MTPN: variants seen among roughly 807,000 people sequenced by gnomAD.
The protein encoded by MTPN is myotrophin.
In MTPN, 2 loss-of-function variants were observed where a neutral mutation model predicts 13.5. The observed-to-expected ratio is 0.15, with a 90% CI of 0.06 to 0.47. The LOEUF (loss-of-function observed/expected upper bound fraction) is 0.47. MTPN is among the 20% of genes least tolerant of loss of function. The pLI, the probability that MTPN is intolerant of heterozygous loss-of-function variation, is 0.97. For synonymous variants in MTPN, 46 were observed against 51.7 expected (o/e 0.89, Z 0.48); for missense variants, 79 against 137.9 (o/e 0.57, Z 2.14).
Position 135,927,186 on chromosome 7 carries a change from A to G in MTPN, c.*2740T>C, listed in dbSNP as rs1379962418. On this transcript the variant is annotated 3_prime_UTR_variant, in exon 4 of 4. Transcript: ENST00000393085. ...ACAGATTTAAAATCCAGTACTTGGG[A>G]AAAGATATCAATGAATAAAAGGCCT... 4.1e-6 allele frequency: 4 copies of G among 978,448 alleles called. No individual in the cohort carries two copies. The highest frequency in any genetic ancestry group is 4.3e-6 in the Non-Finnish European group (3 of 694,198). The allele number at this position is 978,448 out of a possible 1,614,324, so 60.6% of individuals were successfully genotyped here.
At chr7:135,947,510 A>G (rs1799304303) in intron 3 of MTPN, among the ~76,000 whole-genome samples, 1 of 152,160 alleles carries the variant, frequency 6.6e-6, no homozygotes, top group African/African-American at 2.4e-5. Flanking sequence ...GCTCACACCT[A>G]AACTTTGAAA....
intron 3 of MTPN, among the ~76,000 whole-genome samples, chr7:135,941,494 T>C (rs975971794): frequency 4.2e-5 from 6 of 143,342 alleles, no homozygotes; most frequent in African/African-American, 1.5e-4. Context: ...ATTCAATTCT[T>C]AAAATGTCAA....
chr7:135,933,668 T>C (rs888981925), intron 3 of MTPN, among the ~76,000 whole-genome samples: 4 of 152,220 alleles, frequency 2.6e-5, no homozygotes, highest in African/African-American at 9.6e-5. Context: ...ATTGCAACCC[T>C]ATGCAATCCT....
intron 3 of MTPN, among the ~76,000 whole-genome samples, chr7:135,940,818 A>G (rs894520727): frequency 6.6e-6 from 1 of 152,208 alleles, no homozygotes; most frequent in East Asian, 1.9e-4. Flanking sequence ...CACACATATG[A>G]CTTGTCATCT....
intron 3 of MTPN, among the ~76,000 whole-genome samples, chr7:135,944,050 G>T (rs558936077): frequency 6.6e-6 from 1 of 152,244 alleles, no homozygotes; most frequent in African/African-American, 2.4e-5. Context: ...ATAGGCGATT[G>T]AGAGGTCATT....
intron 3 of MTPN, among the ~76,000 whole-genome samples, chr7:135,944,941 A>C (rs1250411835): frequency 1.3e-5 from 2 of 152,210 alleles, no homozygotes; most frequent in African/African-American, 4.8e-5. Context: ...GTGTCCTTAC[A>C]TAAACCTAGA....
intron 3 of MTPN, among the ~76,000 whole-genome samples, chr7:135,938,481 C>T (rs181466603): frequency 6.6e-6 from 1 of 152,324 alleles, no homozygotes; most frequent in East Asian, 1.9e-4. Context: ...TCTAGTTTAA[C>T]ATTTTATGAC....
intron 3 of MTPN, among the ~76,000 whole-genome samples, chr7:135,944,404 G>C (rs1384958204): frequency 6.6e-6 from 1 of 152,066 alleles, no homozygotes; most frequent in Non-Finnish European, 1.5e-5. Flanking sequence ...GGCCAGGCGT[G>C]GTGGCTCGCG....
chr7:135,935,325 G>A (rs1299334927), intron 3 of MTPN, among the ~76,000 whole-genome samples: 3 of 151,360 alleles, frequency 2.0e-5, no homozygotes, highest in South Asian at 2.1e-4. Flanking sequence ...TGCAACCTCC[G>A]CCTCTTGGGT....
intron 1 of MTPN, among the ~76,000 whole-genome samples, chr7:135,968,168 C>G (rs1191277137): frequency 1.3e-5 from 2 of 151,966 alleles, no homozygotes; most frequent in Admixed American, 1.3e-4. Flanking sequence ...TATCAAAATG[C>G]TCATTCTTTT....
At chr7:135,961,453 C>T (rs1048134933) in intron 1 of MTPN, among the ~76,000 whole-genome samples, 2 of 151,744 alleles carry the variant, frequency 1.3e-5, no homozygotes, top group Non-Finnish European at 2.9e-5. Flanking sequence ...CTTAGAACAC[C>T]GAATTCCAGA....
intron 3 of MTPN, among the ~76,000 whole-genome samples, chr7:135,935,114 C>G (rs1584805600): frequency 6.6e-6 from 1 of 152,300 alleles, no homozygotes; most frequent in East Asian, 1.9e-4. Flanking sequence ...GATGTGGAGA[C>G]AGTATGCAGT....
At chr7:135,953,849 A>C (rs7790332) in intron 1 of MTPN, among the ~76,000 whole-genome samples, 25,719 of 152,150 alleles carry the variant, frequency 0.17, 2,559 homozygotes, top group East Asian at 0.26. Flanking sequence ...GACTACTTCA[A>C]TAATTCAAAG....
chr7:135,933,557 T>C (rs1799062633), intron 3 of MTPN, among the ~76,000 whole-genome samples: 2 of 152,230 alleles, frequency 1.3e-5, no homozygotes, highest in Admixed American at 6.5e-5. Context: ...TCAATTCTTA[T>C]AGTTAAGTAA....
At chr7:135,942,368 C>T (rs1799228647) in intron 3 of MTPN, among the ~76,000 whole-genome samples, 1 of 152,216 alleles carries the variant, frequency 6.6e-6, no homozygotes, top group Admixed American at 6.5e-5. Flanking sequence ...GCTGAGAACT[C>T]ATGATGTGCT....
At chr7:135,961,256 G>T (rs142952216) in intron 1 of MTPN, among the ~76,000 whole-genome samples, 8 of 152,048 alleles carry the variant, frequency 5.3e-5, no homozygotes, top group African/African-American at 7.2e-5. Context: ...CTGAACTCAG[G>T]AAAGACCTGA....
intron 1 of MTPN, among the ~76,000 whole-genome samples, chr7:135,963,394 C>A (rs1427251731): frequency 6.6e-6 from 1 of 151,978 alleles, no homozygotes; most frequent in Non-Finnish European, 1.5e-5. Context: ...TGACTGATAT[C>A]AGTGTGTCAA....
intron 1 of MTPN, among the ~76,000 whole-genome samples, chr7:135,962,911 T>A (rs913543393): frequency 1.3e-5 from 2 of 152,068 alleles, no homozygotes; most frequent in Admixed American, 6.6e-5. Flanking sequence ...CAAATAATAC[T>A]CTTTGTTTGA....
At chr7:135,933,817 G>A (rs1050587068) in intron 3 of MTPN, among the ~76,000 whole-genome samples, 16 of 152,284 alleles carry the variant, frequency 1.1e-4, no homozygotes, top group African/African-American at 3.8e-4. Flanking sequence ...CAATGTTGGA[G>A]GTGGGGCCTG....
Sources: gnomAD v4.1 joint callset for allele counts (sites outside exome capture counted in the v4.1 genomes callset) on GRCh38, gnomAD v4.1.1 for gene constraint, MANE v1.5 for transcripts, NCBI Gene and HGNC (gene_info 2026-07-23, HGNC 2026-07-21) for gene names.